RUNX1: variants seen among roughly 807,000 people sequenced by gnomAD.
RUNX1 encodes the protein RUNX family transcription factor 1.
RUNX1 carries 19 observed loss-of-function variants against 42.8 expected under a neutral mutation model. The ratio of observed to expected loss-of-function variants is 0.44; its 90% CI spans 0.31 to 0.65. The LOEUF (loss-of-function observed/expected upper bound fraction) is 0.65, where lower values mean the gene tolerates loss of function less well. RUNX1 is among the 30% of genes least tolerant of loss of function. The pLI is 0.07. For missense variants in RUNX1, 528 were observed against 672.0 expected, an observed-to-expected ratio of 0.79 and a Z score of 2.37; for synonymous variants, 271 against 289.4, an observed-to-expected ratio of 0.94 and a Z score of 0.64.
chr21:34,963,234 C>A (rs531406263), intron 2 of RUNX1, among the ~76,000 whole-genome samples: 6 of 152,316 alleles, frequency 3.9e-5, no homozygotes, highest in East Asian at 1.9e-4. Context: ...CTTCCCTGAA[C>A]CCTGAACCAC....
At chr21:34,950,425 A>G (rs1232386834) in intron 2 of RUNX1, among the ~76,000 whole-genome samples, 1 of 151,752 alleles carries the variant, frequency 6.6e-6, no homozygotes, top group African/African-American at 2.4e-5. Context: ...AGCTCTTAAC[A>G]AGGAAATGCC....
chr21:34,969,765 CA>C (rs150978735), intron 2 of RUNX1, among the ~76,000 whole-genome samples: 8 of 124,702 alleles, frequency 6.4e-5, no homozygotes, highest in Middle Eastern at 3.9e-3. Flanking sequence ...TCAGTTAAAG[CA>C]AAAAAAAAAC....
rs2146411773 is a variant in RUNX1, at chr21:34,886,977, T to C, written c.217A>G (p.Ser73Gly). The change falls in exon 4 of 9, where the codon AGC becomes GGC. Residue 73 changes from serine to glycine, a missense_variant. Coordinates refer to ENST00000675419, the MANE Select transcript of RUNX1 (RefSeq NM_001754.5). The stretch of plus-strand genomic sequence containing the variant: ...ACCTCCACCATGCTGCGGTCGCCGC[T>C]CCTCAGCTTGCCGGCCAGGGCAGCG... ...AGAALAGKLR[S>G]GDRSMVEVLA... is the part of the protein sequence containing the mutation. 1 of 1,609,624 alleles carries C rather than the reference T, an allele frequency of 6.2e-7. No individual in the cohort carries two copies. The highest frequency in any genetic ancestry group is 8.5e-7 in the Non-Finnish European group (1 of 1,179,042).
At chr21:34,816,957 TG>T (rs1252441978) in intron 7 of RUNX1, among the ~76,000 whole-genome samples, 1 of 152,198 alleles carries the variant, frequency 6.6e-6, no homozygotes, top group East Asian at 1.9e-4. Flanking sequence ...GGTGGTTCCA[TG>T]GTCTCCATAG....
chr21:34,986,035 G>T (rs765873547), intron 2 of RUNX1, among the ~76,000 whole-genome samples: 8 of 151,894 alleles, frequency 5.3e-5, no homozygotes, highest in Non-Finnish European at 1.0e-4. Flanking sequence ...ACTACACTGG[G>T]CTAATTTTTG....
chr21:34,831,247 C>G (rs2057059317), intron 7 of RUNX1, among the ~76,000 whole-genome samples: 1 of 151,964 alleles, frequency 6.6e-6, no homozygotes. Flanking sequence ...AATGGCTTTA[C>G]CAGTTTAAGA....
chr21:34,931,154 T>C (rs978813357), intron 2 of RUNX1, among the ~76,000 whole-genome samples: 2 of 152,002 alleles, frequency 1.3e-5, no homozygotes, highest in African/African-American at 4.8e-5. Flanking sequence ...AAAAGGAATT[T>C]TGACTTGGGT....
intron 7 of RUNX1, chr21:34,821,302 C>A: frequency 9.0e-7 from 1 of 1,107,780 alleles, no homozygotes. Flanking sequence ...TAACATTGAC[C>A]ATTTATTAAG....
intron 2 of RUNX1, among the ~76,000 whole-genome samples, chr21:35,021,588 A>C (rs1240667586): frequency 6.6e-6 from 1 of 152,242 alleles, no homozygotes; most frequent in Non-Finnish European, 1.5e-5. Flanking sequence ...AAACCCCTGA[A>C]ATCAAATGAA....
intron 2 of RUNX1, among the ~76,000 whole-genome samples, chr21:34,968,151 G>A (rs2058734823): frequency 6.6e-6 from 1 of 152,222 alleles, no homozygotes; most frequent in Non-Finnish European, 1.5e-5. Context: ...TTGTCCATCT[G>A]TGTGTCTATG....
At chr21:34,874,621 A>AAAAAAAAAAAAAAC (rs1283481618) in intron 5 of RUNX1, among the ~76,000 whole-genome samples, 1 of 144,306 alleles carries the variant, frequency 6.9e-6, no homozygotes, top group African/African-American at 2.5e-5. Flanking sequence ...AAAAAAAAAA[A>AAAAAAAAAAAAAAC]AAAAAAAAAA....
chr21:34,846,698 G>A (rs955022199), intron 6 of RUNX1, among the ~76,000 whole-genome samples: 5 of 152,144 alleles, frequency 3.3e-5, no homozygotes, highest in African/African-American at 1.2e-4. Flanking sequence ...TCCTTTTAGA[G>A]TTCAACAGAG....
chr21:34,916,795 G>C (rs1291217466), intron 2 of RUNX1, among the ~76,000 whole-genome samples: 1 of 152,198 alleles, frequency 6.6e-6, no homozygotes, highest in Non-Finnish European at 1.5e-5. Context: ...CAGAACAGAA[G>C]GCCAGGAAGG....
intron 2 of RUNX1, among the ~76,000 whole-genome samples, chr21:34,930,495 A>G (rs927838392): frequency 6.6e-6 from 1 of 151,802 alleles, no homozygotes; most frequent in African/African-American, 2.4e-5. Flanking sequence ...GCTGTGATCA[A>G]TTATTGATGT....
chr21:34,949,406 T>A (rs2058589945), intron 2 of RUNX1, among the ~76,000 whole-genome samples: 1 of 152,212 alleles, frequency 6.6e-6, no homozygotes, highest in Non-Finnish European at 1.5e-5. Flanking sequence ...GAAAGTGAAT[T>A]GTGTTTGTCA....
chr21:34,889,656 G>C lies in RUNX1; in HGVS notation c.98-2560C>G, dbSNP rs1263430173. ...TCTCCCCGCCCCCGTGCGCTCGAGC[G>C]GCCCCAGGTGCGGAACCCACCCCGG... is the stretch of plus-strand genomic sequence containing the variant. On this transcript the variant is annotated intron_variant, in intron 3 of 8. Coordinates refer to ENST00000675419, the MANE Select transcript of RUNX1 (RefSeq NM_001754.5). 21 of 1,118,704 alleles carry C rather than the reference G, an allele frequency of 1.9e-5. No homozygotes were observed. In the Middle Eastern group the frequency reaches 1.6e-3, roughly 85 times the overall value. The allele number at this position is 1,118,704 out of a possible 1,614,324, so 69.3% of individuals were successfully genotyped here.
intron 2 of RUNX1, among the ~76,000 whole-genome samples, chr21:35,036,781 T>C (rs940046166): frequency 2.6e-5 from 4 of 152,238 alleles, no homozygotes; most frequent in Non-Finnish European, 5.9e-5. Context: ...CTGAGGCCAC[T>C]GCTTGCTATC....
intron 5 of RUNX1, among the ~76,000 whole-genome samples, chr21:34,875,917 C>T (rs1374579881): frequency 1.3e-5 from 2 of 152,186 alleles, no homozygotes; most frequent in Non-Finnish European, 2.9e-5. Context: ...ACTAACATTA[C>T]ACAAATATGC....
At position 34,820,566 on chromosome 21, in the gene RUNX1, G is replaced by C. The variant is rs191091910; in HGVS notation, c.805+13844C>G. ...ACTCTGTAATCCCGGCTACTCGGGAGGCTGAGGCAGGAGAATCCCCTGAAC... is the reference window on the plus strand; with the variant it reads ...ACTCTGTAATCCCGGCTACTCGGGACGCTGAGGCAGGAGAATCCCCTGAAC... On this transcript the variant is annotated intron_variant, in intron 7 of 8. Transcript: ENST00000675419. Among the ~76,000 whole-genome samples the C allele has an allele frequency of 3.2e-3, 490 of 152,100 alleles. 2 individuals are homozygous for C. Among genetic ancestry groups the C allele is most frequent in the Admixed American group, 4.9e-3 (75 of 15,286 alleles).
Sources: allele counts gnomAD v4.1 joint callset (sites outside exome capture counted in the v4.1 genomes callset), GRCh38; gene constraint gnomAD v4.1.1; transcripts MANE v1.5; gene names NCBI Gene and HGNC (gene_info 2026-07-23, HGNC 2026-07-21).